Variants in CMTM4 observed in about 807,000 individuals in gnomAD.
CMTM4 encodes CKLF-like MARVEL transmembrane domain-containing protein 4.
CMTM4 carries 8 observed loss-of-function variants against 19.0 expected under a neutral mutation model. The ratio of observed to expected loss-of-function variants is 0.42; its 90% confidence interval spans 0.25 to 0.76. The LOEUF is 0.76. Ranked by LOEUF, CMTM4 falls within the 30% of genes least tolerant of loss-of-function variation. The probability of loss-of-function intolerance (pLI) is 0.27; values close to 1 mark genes in which losing one functional copy is unlikely to be tolerated. For synonymous variants in CMTM4, 106 were observed against 121.1 expected (o/e 0.88, Z 0.82); for missense variants, 228 against 290.2 (o/e 0.79, Z 1.56).
chr16:66,600,740 T>C, the CMTM4 span, among the ~76,000 whole-genome samples: 2 of 152,192 alleles, frequency 1.3e-5, no homozygotes, highest in Non-Finnish European at 2.9e-5. Context: ...ATGTTTAGTG[T>C]TTATTCCACC....
Position 66,617,518 on chromosome 16 carries a change from A to C in CMTM4, c.*4540T>G. On this transcript the variant is annotated 3_prime_UTR_variant, in exon 4 of 4. Transcript: ENST00000394106. Reference sequence around the variant, plus strand: ...ACTTGCATGAAGAAGAATTAAACAGAACATTCACTTTCGGAAGAAAATTTT... The same window carrying C: ...ACTTGCATGAAGAAGAATTAAACAGCACATTCACTTTCGGAAGAAAATTTT... 1 of 1,386,042 alleles carries C rather than the reference A, an allele frequency of 7.2e-7. No individual in the cohort carries two copies. The highest frequency in any genetic ancestry group is 1.7e-5 in the South Asian group (1 of 58,560). The allele number at this position is 1,386,042 out of a possible 1,614,324, so 85.9% of individuals were successfully genotyped here. A position where few individuals can be genotyped will look rare whatever the true frequency, so the allele number is the denominator to read the frequency against.
Position 66,689,646 on chromosome 16 carries a change from A to G in CMTM4, c.186+6694T>C, listed in dbSNP as rs564460235. 1.4e-4 allele frequency among the ~76,000 whole-genome samples: 21 copies of G among 152,302 alleles called. 1 individual carries two copies. The South Asian group carries it at 4.4e-3, about 32-fold the overall frequency. On this transcript the variant is annotated intron_variant, in intron 1 of 3. Coordinates refer to ENST00000394106, the MANE Select transcript of CMTM4 (RefSeq NM_181521.3). ...GGTCTTGAACTCCTGGGCTCAAGCA[A>G]TCCACCTGCCTCGGCCTCCCAAAGT...
chr16:66,667,395 A>G lies in CMTM4; in HGVS notation c.186+28945T>C, dbSNP rs558632238. ...ATAAAATAACAAACGTGAAGGTTTT[A>G]TAAAGCAATGAACTAGGGACCTGCT... is the stretch of plus-strand genomic sequence containing the variant. On this transcript the variant is annotated intron_variant, in intron 1 of 3. Coordinates refer to ENST00000394106, the MANE Select transcript of CMTM4 (RefSeq NM_181521.3). Among the ~76,000 whole-genome samples, 8 of 152,326 alleles carry G rather than the reference A, an allele frequency of 5.3e-5. No homozygotes were observed. The South Asian group carries it at 1.7e-3, about 32-fold the overall frequency.
intron 1 of CMTM4, among the ~76,000 whole-genome samples, chr16:66,676,071 T>C (rs527536080): frequency 7.9e-5 from 12 of 152,046 alleles, no homozygotes; most frequent in African/African-American, 1.7e-4. Context: ...GTAGACAAAT[T>C]TGCTGTCAAA....
chr16:66,667,235 G>T (rs2016613170), intron 1 of CMTM4, among the ~76,000 whole-genome samples: 1 of 151,998 alleles, frequency 6.6e-6, no homozygotes, highest in African/African-American at 2.4e-5. Flanking sequence ...TAAGGAAGGA[G>T]AATCGCTGGA....
At chr16:66,686,359 C>T (rs905319523) in intron 1 of CMTM4, among the ~76,000 whole-genome samples, 5 of 151,326 alleles carry the variant, frequency 3.3e-5, no homozygotes, top group African/African-American at 9.7e-5. Flanking sequence ...CTCAGGAGTT[C>T]GAGACCAGCC....
downstream of CMTM4, among the ~76,000 whole-genome samples, chr16:66,611,257 A>T (rs1454548700): frequency 6.6e-6 from 1 of 152,178 alleles, no homozygotes; most frequent in Non-Finnish European, 1.5e-5. Context: ...GTTTGAGACC[A>T]GCCTGGCCAA....
intron 1 of CMTM4, among the ~76,000 whole-genome samples, chr16:66,691,892 G>A (rs1201732136): frequency 1.3e-5 from 2 of 152,152 alleles, no homozygotes; most frequent in African/African-American, 4.8e-5. Flanking sequence ...TTTCTTTAGA[G>A]ACAGGCATTG....
intron 2 of CMTM4, among the ~76,000 whole-genome samples, chr16:66,628,522 AC>A (rs2015789421): frequency 6.6e-6 from 1 of 152,236 alleles, no homozygotes; most frequent in Non-Finnish European, 1.5e-5. Context: ...TTAACAAGGC[AC>A]GTCCTGCACA....
intron 1 of CMTM4, among the ~76,000 whole-genome samples, chr16:66,644,401 T>C (rs2016151889): frequency 6.6e-6 from 1 of 152,198 alleles, no homozygotes; most frequent in African/African-American, 2.4e-5. Context: ...GAATTACTGA[T>C]CATACTGAAG....
At chr16:66,666,518 G>A (rs1011577878) in intron 1 of CMTM4, among the ~76,000 whole-genome samples, 9 of 152,148 alleles carry the variant, frequency 5.9e-5, no homozygotes, top group East Asian at 1.9e-4. Flanking sequence ...TGCAACTCAC[G>A]TATCTGACAA....
chr16:66,630,877 C>A (rs1448125459), intron 2 of CMTM4, among the ~76,000 whole-genome samples: 8 of 147,954 alleles, frequency 5.4e-5, no homozygotes, highest in African/African-American at 1.0e-4. Context: ...GGCCGCCCAT[C>A]GTCTGAGATG....
chr16:66,661,838 CAGG>C (rs1384696765), intron 1 of CMTM4, among the ~76,000 whole-genome samples: 1 of 152,080 alleles, frequency 6.6e-6, no homozygotes, highest in Non-Finnish European at 1.5e-5. Flanking sequence ...GAGGCTGAGG[CAGG>C]AGAATTGCGT....
chr16:66,612,305 G>A (rs2015406367), downstream of CMTM4, among the ~76,000 whole-genome samples: 1 of 152,158 alleles, frequency 6.6e-6, no homozygotes, highest in Non-Finnish European at 1.5e-5. This position sits in a 1 kb window ranked among gnomAD's most constrained non-coding sequence, Gnocchi z 6.0. Context: ...ACTCGGGAGG[G>A]AGGAAGTTGC....
Position 66,696,288 on chromosome 16 carries a change from A to T in CMTM4, c.186+52T>A. The T allele has an allele frequency of 1.6e-6, 2 of 1,215,634 alleles. No homozygotes were observed. Among genetic ancestry groups the T allele is most frequent in the Non-Finnish European group, 2.1e-6 (2 of 959,318 alleles). 75.3% of individuals were successfully genotyped at this position (1,215,634 alleles called of 1,614,324 possible). On this transcript the variant is annotated intron_variant, in intron 1 of 3. Coordinates refer to ENST00000394106, the MANE Select transcript of CMTM4 (RefSeq NM_181521.3). This position sits in a 1 kb window ranked among gnomAD's most constrained non-coding sequence, Gnocchi z 4.3. Reference sequence around the variant, plus strand: ...AGGCCCCGCAGCGGGGCGGGGAGGGAGGCGTGCGGCTAGGCCGCCCTCGGG... The same window carrying T: ...AGGCCCCGCAGCGGGGCGGGGAGGGTGGCGTGCGGCTAGGCCGCCCTCGGG...
At chr16:66,624,648 T>C (rs1041067901) in intron 2 of CMTM4, among the ~76,000 whole-genome samples, 2 of 152,162 alleles carry the variant, frequency 1.3e-5, no homozygotes, top group African/African-American at 2.4e-5. Flanking sequence ...ATGCCTGTAA[T>C]CCCAGCTACT....
At position 66,621,931 on chromosome 16, in the gene CMTM4, A is replaced by T; in HGVS notation, c.*127T>A. ...TGGGCCACTCGGGAAACCCTTTCCC[A>T]AAATGAACTTTTACCAAAGAGGACA... is the stretch of plus-strand genomic sequence containing the variant. On this transcript the variant is annotated 3_prime_UTR_variant, in exon 4 of 4. Coordinates refer to ENST00000394106, the MANE Select transcript of CMTM4 (RefSeq NM_181521.3). The T allele has an allele frequency of 6.9e-7, 1 of 1,448,706 alleles. No homozygotes were observed. The highest frequency in any genetic ancestry group is 9.1e-7 in the Non-Finnish European group (1 of 1,100,222). The allele number at this position is 1,448,706 out of a possible 1,614,324, so 89.7% of individuals were successfully genotyped here. A position where few individuals can be genotyped will look rare whatever the true frequency, so the allele number is the denominator to read the frequency against.
chr16:66,609,346 G>A, the CMTM4 span: 1 of 1,162,366 alleles, frequency 8.6e-7, no homozygotes. This position sits in a 1 kb window ranked among gnomAD's most constrained non-coding sequence, Gnocchi z 4.4. Context: ...GCTAGGCCTG[G>A]GGCTGGGAAC....
At chr16:66,670,345 C>G (rs976894777) in intron 1 of CMTM4, among the ~76,000 whole-genome samples, 6 of 150,234 alleles carry the variant, frequency 4.0e-5, no homozygotes, top group Non-Finnish European at 7.4e-5. Context: ...TCCCAGCTAC[C>G]CAGGAGGCTG....
Sources: allele counts gnomAD v4.1 joint callset (sites outside exome capture counted in the v4.1 genomes callset), GRCh38; gene constraint gnomAD v4.1.1; non-coding constraint Gnocchi (gnomAD v3.1); transcripts MANE v1.5; gene names NCBI Gene and HGNC (gene_info 2026-07-23, HGNC 2026-07-21).